GNE: variants seen among roughly 807,000 people sequenced by gnomAD.
The protein encoded by GNE is glucosamine (UDP-N-acetyl)-2-epimerase/N-acetylmannosamine kinase, also known as bifunctional UDP-N-acetylglucosamine 2-epimerase/N-acetylmannosamine kinase.
GNE carries 41 observed loss-of-function variants against 61.8 expected under a neutral mutation model. The ratio of observed to expected loss-of-function variants is 0.66; its 90% CI spans 0.52 to 0.86. The LOEUF is 0.86. GNE is among the 40% of genes least tolerant of loss of function. The pLI is 0.00. For missense variants in GNE, 608 were observed against 909.1 expected, an observed-to-expected ratio of 0.67 and a Z score of 4.26; for synonymous variants, 264 against 326.4, an observed-to-expected ratio of 0.81 and a Z score of 2.06.
At chr9:36,258,502 G>A (rs1830492862), upstream of GNE, 2 of 985,422 alleles carry the variant, frequency 2.0e-6, no homozygotes, top group African/African-American at 1.7e-5. Context: ...ACGCCCACCC[G>A]GAGTGCCGAA....
In GNE at chr9:36,246,200, G is replaced by A. The variant is rs772851707; in HGVS notation, c.447C>T (p.Ala149=). The A allele has an allele frequency of 9.9e-6, 16 of 1,614,182 alleles. No homozygotes were observed. The highest frequency in any genetic ancestry group is 4.4e-5 in the South Asian group (4 of 91,080). Reference sequence around the variant, plus strand: ...CATGATAATGAGCCAGTTTTGTTATGGCATGTCTGATAGAGTCATCAATGG... The same window carrying A: ...CATGATAATGAGCCAGTTTTGTTATAGCATGTCTGATAGAGTCATCAATGG... ...SGTIDDSIRH[A]ITKLAHYHVC... The change falls in exon 3 of 12, where the codon GCC becomes GCT. Residue 149 remains alanine (A), a synonymous_variant. Coordinates refer to ENST00000642385, the MANE Select transcript of GNE (RefSeq NM_005476.7).
intron 1 of GNE, among the ~76,000 whole-genome samples, chr9:36,268,919 C>T (rs111990757): frequency 6.6e-6 from 1 of 152,076 alleles, no homozygotes; most frequent in East Asian, 1.9e-4. Flanking sequence ...TACCTGAGGT[C>T]AGGAGTTCAA....
intron 1 of GNE, among the ~76,000 whole-genome samples, chr9:36,269,462 C>T (rs1389477180): frequency 6.6e-6 from 1 of 151,354 alleles, no homozygotes; most frequent in Non-Finnish European, 1.5e-5. Flanking sequence ...GATAGTTCCT[C>T]ACTTCAAACT....
intron 1 of GNE, among the ~76,000 whole-genome samples, chr9:36,270,243 A>G (rs796149903): frequency 4.1e-4 from 63 of 152,290 alleles, no homozygotes; most frequent in African/African-American, 1.4e-3. Context: ...TATTACAGAC[A>G]TAAGCCACTG....
At position 36,223,519 on chromosome 9, in the gene GNE, C is replaced by T; in HGVS notation, c.1282-17G>A. 6.2e-7 allele frequency: 1 copy of T among 1,608,454 alleles called. No individual in the cohort carries two copies. Among genetic ancestry groups the T allele is most frequent in the Non-Finnish European group, 8.5e-7 (1 of 1,176,398 alleles). The stretch of plus-strand genomic sequence containing the variant: ...TATTTCACCCTAAAAGAGAAAACAA[C>T]AAGTTCCGTCTTACTGGTCTTAGCT... On this transcript the variant is annotated splice_polypyrimidine_tract_variant and intron_variant, in intron 7 of 11. Transcript: ENST00000642385.
rs192260997 is a variant in GNE, at chr9:36,276,930, A to G, written c.15T>C (p.Gly5=). The G allele has an allele frequency of 3.7e-6, 6 of 1,613,164 alleles. No homozygotes were observed. In the East Asian group the frequency reaches 1.3e-4, roughly 36 times the overall value. ...GAAAGCATGACTCCCTCTGCAGATA[A>G]CCATAGGTTTCCATCCCGAAGCACG... The change falls in exon 1 of 12, where the codon GGT becomes GGC. Residue 5 remains glycine (G), a synonymous_variant. Transcript: ENST00000396594.
At chr9:36,261,788 T>C (rs1431188324), upstream of GNE, among the ~76,000 whole-genome samples, 4 of 151,648 alleles carry the variant, frequency 2.6e-5, no homozygotes, top group African/African-American at 9.7e-5. Context: ...CCGAGTGTGG[T>C]GGCAGGCGCC....
intron 1 of GNE, among the ~76,000 whole-genome samples, chr9:36,257,716 T>G (rs1018909041): frequency 3.2e-4 from 44 of 135,530 alleles, no homozygotes; most frequent in Non-Finnish European, 5.2e-4. Context: ...GGCAGGAGAA[T>G]GGCGTGAACC....
intron 6 of GNE, among the ~76,000 whole-genome samples, chr9:36,227,958 G>A (rs35422745): frequency 3.3e-5 from 5 of 150,644 alleles, no homozygotes; most frequent in Non-Finnish European, 5.9e-5. Flanking sequence ...GCTTGAACCC[G>A]GGAAGCGGAG....
At chr9:36,223,984 TCAAG>T (rs1704789224) in intron 7 of GNE, among the ~76,000 whole-genome samples, 1 of 151,912 alleles carries the variant, frequency 6.6e-6, no homozygotes, top group African/African-American at 2.4e-5. Flanking sequence ...ACTCCTGACC[TCAAG>T]CAATCCGCCT....
In GNE at chr9:36,229,113, G is replaced by A. The variant is rs1451957055; in HGVS notation, c.983-5C>T. 1 of 1,537,858 alleles carries A rather than the reference G, an allele frequency of 6.5e-7. No individual in the cohort carries two copies. Among genetic ancestry groups the A allele is most frequent in the South Asian group, 1.1e-5 (1 of 89,598 alleles). ...GGACATGAAGAACATTCTCCCCTAG[G>A]TAAAACCAGTGACACATTACAAGGA... On this transcript the variant is annotated splice_polypyrimidine_tract_variant and splice_region_variant and intron_variant, in intron 5 of 11. Transcript: ENST00000642385.
rs1212144870 is a variant in GNE at position 36,249,723 on chromosome 9, C to CA, written c.-42-327dup. On this transcript the variant is annotated intron_variant, in intron 1 of 11. Transcript: ENST00000642385. Reference sequence around the variant, plus strand: ...GAAACCCCGTCTCTACTAAAAAATACAAAAAAAAAAATTAGCTGGGCGTGG... The same window carrying CA: ...GAAACCCCGTCTCTACTAAAAAATACAAAAAAAAAAAATTAGCTGGGCGTGG... Among the ~76,000 whole-genome samples the CA allele has an allele frequency of 1.7e-3, 247 of 145,620 alleles. 2 individuals are homozygous for CA. Among genetic ancestry groups the CA allele is most frequent in the African/African-American group, 4.0e-3 (158 of 39,706 alleles).
rs1831162781 is a variant in GNE at position 36,274,206 on chromosome 9, T to G, written c.51+2688A>C. ...AACTTCCTAGGTTCAAGCTATCCTC[T>G]CCCCTCAGCCACCTGAGTAGCTAGG... On this transcript the variant is annotated intron_variant, in intron 1 of 11. Coordinates refer to the GNE transcript ENST00000396594. Among the ~76,000 whole-genome samples, 4 of 151,710 alleles carry G rather than the reference T, an allele frequency of 2.6e-5. No individual in the cohort carries two copies. In the South Asian group the frequency reaches 6.3e-4, roughly 24 times the overall value.
intron 1 of GNE, among the ~76,000 whole-genome samples, chr9:36,249,674 C>T (rs879493747): frequency 5.9e-5 from 9 of 151,770 alleles, no homozygotes; most frequent in Admixed American, 5.9e-4. Flanking sequence ...GTCAGGAGAT[C>T]AAGACCATCC....
chr9:36,237,137 A>T (rs1004672694), intron 3 of GNE, among the ~76,000 whole-genome samples, 153 bp from the exon 4 acceptor site: 5 of 152,230 alleles, frequency 3.3e-5, no homozygotes, highest in Admixed American at 3.3e-4. Flanking sequence ...TCCAAATTAG[A>T]GTCAAATGAT....
intron 10 of GNE, among the ~76,000 whole-genome samples, chr9:36,219,456 T>C (rs1388688328): frequency 6.6e-6 from 1 of 152,242 alleles, no homozygotes; most frequent in African/African-American, 2.4e-5. Flanking sequence ...ACTGTTTTTA[T>C]GTATGAAGCA....
chr9:36,222,904 G>T lies in GNE; in HGVS notation c.1506C>A (p.Thr502=). The T allele has an allele frequency of 1.2e-6, 2 of 1,614,094 alleles. No individual in the cohort carries two copies. Among genetic ancestry groups the T allele is most frequent in the Non-Finnish European group, 1.7e-6 (2 of 1,179,974 alleles). The change falls in exon 9 of 12, where the codon ACC becomes ACA. Residue 502 remains threonine (T), a synonymous_variant. Coordinates refer to ENST00000642385, the MANE Select transcript of GNE (RefSeq NM_005476.7). ...IQEWNSVDLR[T]PLSDTLHLPV... ...GGAGATGCAAAGTGTCAGAAAGGGGGGTCCTAAGGTCCACAGAGTTCCACT... is the reference window on the plus strand; with the variant it reads ...GGAGATGCAAAGTGTCAGAAAGGGGTGTCCTAAGGTCCACAGAGTTCCACT...
chr9:36,245,806 T>C (rs1485499605), intron 3 of GNE, among the ~76,000 whole-genome samples: 1 of 152,222 alleles, frequency 6.6e-6, no homozygotes, highest in East Asian at 1.9e-4. Context: ...ATTCTATAAA[T>C]ATAGCAGAGA....
chr9:36,231,165 AAAAC>A (rs1330429527), intron 5 of GNE, among the ~76,000 whole-genome samples: 1 of 152,056 alleles, frequency 6.6e-6, no homozygotes, highest in Non-Finnish European at 1.5e-5. Flanking sequence ...AGAAGGAAAG[AAAAC>A]AAACAAAACA....
Sources: gnomAD v4.1 joint callset for allele counts (sites outside exome capture counted in the v4.1 genomes callset) on GRCh38, gnomAD v4.1.1 for gene constraint, MANE v1.5 for transcripts, NCBI Gene and HGNC (gene_info 2026-07-23, HGNC 2026-07-21) for gene names.